The following FAT4 variants were observed in gnomAD, a reference collection of about 807,000 sequenced individuals.
The protein encoded by FAT4 is FAT atypical cadherin 4.
Under a neutral mutation model 303.9 loss-of-function variants are expected in FAT4, and 84 were observed. The ratio of observed to expected loss-of-function variants is 0.28; its 90% CI spans 0.23 to 0.33. The LOEUF is 0.33. Ranked by LOEUF, FAT4 falls within the 10% of genes least tolerant of loss-of-function variation. The probability of loss-of-function intolerance (pLI) is 1.00; values close to 1 mark genes in which losing one functional copy is unlikely to be tolerated. For missense variants in FAT4, 6,005 were observed against 6,146.8 expected, an observed-to-expected ratio of 0.98 and a Z score of 0.77; for synonymous variants, 2,307 against 2,298.8, an observed-to-expected ratio of 1.00 and a Z score of -0.10.
At chr4:125,321,783 C>G (rs1334269897) in intron 2 of FAT4, among the ~76,000 whole-genome samples, 197 bp downstream of exon 2, 1 of 152,112 alleles carries the variant, frequency 6.6e-6, no homozygotes, top group Admixed American at 6.5e-5. Context: ...AACTAAACAA[C>G]AAACTTTCTT....
chr4:125,435,324 A>G (rs553048103), intron 8 of FAT4, among the ~76,000 whole-genome samples: 94 of 152,256 alleles, frequency 6.2e-4, no homozygotes, highest in Middle Eastern at 3.4e-3. Context: ...TCACACACAT[A>G]AATATTTTAT....
chr4:125,317,958 C>T lies in FAT4; in HGVS notation c.1547C>T (p.Ser516Phe). Residue 516 changes from serine to phenylalanine, a missense_variant, in exon 2 of 18, where the codon TCT becomes TTT. Ser to Phe is a radical substitution (Grantham distance 155). Transcript: ENST00000394329. This position sits in a 1 kb window ranked among gnomAD's most constrained non-coding sequence, Gnocchi z 7.0. ...LNANLRYSIVSGNGLGWFHIS... is the reference protein window; with the variant it reads ...LNANLRYSIVFGNGLGWFHIS... ...GCTAATCTGCGTTACAGCATTGTCT[C>T]TGGCAATGGACTGGGATGGTTCCAT... is the stretch of plus-strand genomic sequence containing the variant. 2 of 1,614,200 alleles carry T rather than the reference C, an allele frequency of 1.2e-6. No homozygotes were observed. Among genetic ancestry groups the T allele is most frequent in the Non-Finnish European group, 1.7e-6 (2 of 1,180,050 alleles).
intron 2 of FAT4, among the ~76,000 whole-genome samples, chr4:125,328,638 T>C (rs1383580170): frequency 6.6e-6 from 1 of 152,228 alleles, no homozygotes; most frequent in Non-Finnish European, 1.5e-5. Flanking sequence ...CATTCACAGA[T>C]TCTAACATAT....
chr4:125,444,398 C>T (rs988774234), intron 8 of FAT4, among the ~76,000 whole-genome samples: 1 of 152,114 alleles, frequency 6.6e-6, no homozygotes, highest in Non-Finnish European at 1.5e-5. Flanking sequence ...CCCTCAATAA[C>T]TAACTCCCAC....
chr4:125,467,147 A>T (rs552482411), intron 11 of FAT4, among the ~76,000 whole-genome samples: 76 of 131,470 alleles, frequency 5.8e-4, no homozygotes, highest in African/African-American at 1.9e-3. Flanking sequence ...GAAAAGATAA[A>T]TAACACAAAC....
In FAT4 at chr4:125,316,317, G is replaced by A; in HGVS notation, c.-12-83G>A. On this transcript the variant is annotated intron_variant, in intron 1 of 17. Coordinates refer to ENST00000394329, the MANE Select transcript of FAT4 (RefSeq NM_001291303.3). The surrounding 1 kb of genome is among the most constrained non-coding windows in gnomAD (Gnocchi z 5.7). ...GAGGTCTCAGACCAAGCCGTCAGCT[G>A]AATCTTTGCTGGCGCTCCTTAATCC... The A allele has an allele frequency of 6.8e-7, 1 of 1,478,610 alleles. No individual in the cohort carries two copies. Among genetic ancestry groups the A allele is most frequent in the East Asian group, 2.3e-5 (1 of 43,764 alleles). The allele number at this position is 1,478,610 out of a possible 1,614,324, so 91.6% of individuals were successfully genotyped here. A position where few individuals can be genotyped will look rare whatever the true frequency, so the allele number is the denominator to read the frequency against.
chr4:125,475,491 T>A (rs1726996248), intron 12 of FAT4, among the ~76,000 whole-genome samples: 1 of 152,088 alleles, frequency 6.6e-6, no homozygotes, highest in African/African-American at 2.4e-5. Flanking sequence ...AATGCAAAAA[T>A]ACTACTTAGT....
chr4:125,440,759 T>C (rs1725633952), intron 8 of FAT4, among the ~76,000 whole-genome samples: 2 of 152,178 alleles, frequency 1.3e-5, no homozygotes, highest in African/African-American at 2.4e-5. Context: ...CTGATAGACA[T>C]ATTACACTGG....
Position 125,406,934 on chromosome 4 carries a change from C to T in FAT4, c.5362C>T (p.Arg1788Cys), listed in dbSNP as rs768397789. Reference protein sequence around the residue: ...TIISGADDSFRIDPESGDLIA... With the variant: ...TIISGADDSFCIDPESGDLIA... ...CATTAGTGGAGCTGATGATAGTTTT[C>T]GCATCGACCCAGAATCCGGAGATCT... Residue 1788 changes from arginine (R) to cysteine (C), a missense_variant, in exon 4 of 18, where the codon CGC becomes TGC. Coordinates refer to ENST00000394329, the MANE Select transcript of FAT4 (RefSeq NM_001291303.3). The T allele has an allele frequency of 1.9e-5, 30 of 1,613,682 alleles. No individual in the cohort carries two copies. The South Asian group carries it at 2.4e-4, about 13-fold the overall frequency.
At position 125,318,690 on chromosome 4, in the gene FAT4, A is replaced by T; in HGVS notation, c.2279A>T (p.Gln760Leu). 6.2e-7 allele frequency: 1 copy of T among 1,614,176 alleles called. No homozygotes were observed. Among genetic ancestry groups the T allele is most frequent in the Non-Finnish European group, 8.5e-7 (1 of 1,180,014 alleles). The change falls in exon 2 of 18, where the codon CAG becomes CTG. Residue 760 changes from glutamine to leucine, a missense_variant. Coordinates refer to ENST00000394329, the MANE Select transcript of FAT4 (RefSeq NM_001291303.3). ...GACAGAGAAGAAAAAACAGCTTATC[A>T]GTTGCAAATAGTAGCTACTGATGGT... Reference protein sequence around the residue: ...ALDREEKTAYQLQIVATDGGN... With the variant: ...ALDREEKTAYLLQIVATDGGN...
intron 8 of FAT4, among the ~76,000 whole-genome samples, chr4:125,435,276 A>G (rs1340213913): frequency 2.0e-5 from 3 of 152,202 alleles, no homozygotes; most frequent in Non-Finnish European, 2.9e-5. Flanking sequence ...ATTCTAAACT[A>G]CAAGAAATGA....
intron 2 of FAT4, among the ~76,000 whole-genome samples, chr4:125,376,580 C>T (rs34874968): frequency 1.3e-5 from 2 of 151,954 alleles, no homozygotes; most frequent in Non-Finnish European, 2.9e-5. Context: ...CACGTGAACC[C>T]TAGATCTTAA....
At chr4:125,352,072 C>CT (rs555054044) in intron 2 of FAT4, among the ~76,000 whole-genome samples, 22 of 151,492 alleles carry the variant, frequency 1.5e-4, no homozygotes, top group South Asian at 8.3e-4. Flanking sequence ...CCAACAAATC[C>CT]TTTTTTTAAA....
In FAT4 at chr4:125,323,366, TA is replaced by T. The variant is rs1022434324; in HGVS notation, c.5175+1785del. Among the ~76,000 whole-genome samples the T allele has an allele frequency of 5.8e-4, 88 of 152,288 alleles. 1 individual carries two copies. Among genetic ancestry groups the T allele is most frequent in the Admixed American group, 3.6e-3 (55 of 15,292 alleles). ...CTGCCTCTGCAATAGGCAAGAAGAT[TA>T]AAAATGTTTATAAGTAATTTTGTTA... On this transcript the variant is annotated intron_variant, in intron 2 of 17. Transcript: ENST00000394329.
In FAT4 at chr4:125,449,454, A is replaced by T. The variant is rs763149272; in HGVS notation, c.8444A>T (p.Asp2815Val). The change falls in exon 10 of 18, where the codon GAT (aspartate) becomes GTT (valine). Residue 2815 changes from aspartate to valine, a missense_variant. Coordinates refer to ENST00000394329, the MANE Select transcript of FAT4 (RefSeq NM_001291303.3). ...INAISRYSIMDASLPFTINPS... is the reference protein window; with the variant it reads ...INAISRYSIMVASLPFTINPS... The stretch of plus-strand genomic sequence containing the variant: ...GCAATTAGTAGATATTCTATAATGG[A>T]TGCAAGTCTTCCATTTACAATTAAT... 14 of 1,613,872 alleles carry T rather than the reference A, an allele frequency of 8.7e-6. No individual in the cohort carries two copies. Among genetic ancestry groups the T allele is most frequent in the Non-Finnish European group, 1.1e-5 (13 of 1,179,866 alleles).
chr4:125,402,136 C>A (rs1367756987), intron 3 of FAT4, among the ~76,000 whole-genome samples: 1 of 151,814 alleles, frequency 6.6e-6, no homozygotes, highest in Non-Finnish European at 1.5e-5. Context: ...ATCAACACAG[C>A]CTGATATGTT....
rs149022345 is a variant in FAT4 at position 125,415,882 on chromosome 4, G to A, written c.6843+76G>A. The A allele has an allele frequency of 6.8e-4, 752 of 1,101,346 alleles. 2 individuals carry two copies. The African/African-American group carries it at 9.8e-3, about 14-fold the overall frequency. 68.2% of individuals were successfully genotyped at this position (1,101,346 alleles called of 1,614,324 possible). Reference sequence around the variant, plus strand: ...TTGAAAACCTCCCCTCTTCTACAGCGTTTACGCTTCCCCTGTTCTCTCCTC... The same window carrying A: ...TTGAAAACCTCCCCTCTTCTACAGCATTTACGCTTCCCCTGTTCTCTCCTC... On this transcript the variant is annotated intron_variant, in intron 6 of 17. Transcript: ENST00000394329.
chr4:125,429,468 T>A (rs1725209394), intron 7 of FAT4, among the ~76,000 whole-genome samples: 1 of 152,190 alleles, frequency 6.6e-6, no homozygotes, highest in Admixed American at 6.5e-5. Context: ...GAGTTTTATC[T>A]GAGCTTAATT....
Position 125,479,874 on chromosome 4 carries a change from G to T in FAT4, c.12604+9G>T. ...GAAATACTGTGAAAAATGTATGTAAGGTCTTCCGTCTTCCCCTGGAAATTT... is the reference window on the plus strand; with the variant it reads ...GAAATACTGTGAAAAATGTATGTAATGTCTTCCGTCTTCCCCTGGAAATTT... On this transcript the variant is annotated intron_variant, in intron 15 of 17. Coordinates refer to ENST00000394329, the MANE Select transcript of FAT4 (RefSeq NM_001291303.3). 1 of 1,548,198 alleles carries T rather than the reference G, an allele frequency of 6.5e-7. No homozygotes were observed. Among genetic ancestry groups the T allele is most frequent in the East Asian group, 2.3e-5 (1 of 44,212 alleles).
Sources: allele counts gnomAD v4.1 joint callset (sites outside exome capture counted in the v4.1 genomes callset), GRCh38; gene constraint gnomAD v4.1.1; non-coding constraint Gnocchi (gnomAD v3.1); transcripts MANE v1.5; gene names NCBI Gene and HGNC (gene_info 2026-07-23, HGNC 2026-07-21).